The following NSD3 variants were observed in gnomAD, a reference collection of about 807,000 sequenced individuals.
NSD3 encodes nuclear receptor binding SET domain protein 3.
NSD3 carries 24 observed loss-of-function variants against 160.8 expected under a neutral mutation model. The ratio of observed to expected loss-of-function variants is 0.15; its 90% CI spans 0.11 to 0.21. The LOEUF (loss-of-function observed/expected upper bound fraction) is 0.21, where lower values mean the gene tolerates loss of function less well. Ranked by LOEUF, NSD3 falls within the 10% of genes least tolerant of loss-of-function variation. NSD3 has a pLI of 1.00. For synonymous variants in NSD3, 520 were observed against 600.0 expected (o/e 0.87, Z 1.95); for missense variants, 1,157 against 1,735.9 (o/e 0.67, Z 5.93).
At chr8:38,358,072 G>A (rs553915249) in intron 1 of NSD3, among the ~76,000 whole-genome samples, 1 of 152,076 alleles carries the variant, frequency 6.6e-6, no homozygotes, top group African/African-American at 2.4e-5. Context: ...ATTAAAAAAA[G>A]AAACTCATAT....
At chr8:38,299,678 G>A in intron 14 of NSD3, 88 bp from the exon 15 acceptor site, 1 of 1,305,476 alleles carries the variant, frequency 7.7e-7, no homozygotes, top group Non-Finnish European at 9.9e-7. Flanking sequence ...TATTATGTAT[G>A]CTTCAAAGCT....
At chr8:38,313,648 C>T (rs974540036) in intron 12 of NSD3, among the ~76,000 whole-genome samples, 3 of 151,870 alleles carry the variant, frequency 2.0e-5, no homozygotes, top group Non-Finnish European at 2.9e-5. Flanking sequence ...ATTAGCCAGG[C>T]GTGGTGGCAG....
Position 38,319,040 on chromosome 8 carries a change from TG to T in NSD3, c.1810-101del. ...TTTCATCAATCTAAGCAATGATGAG[TG>T]ATTAATGTATCTGAAATCTGAACTC... On this transcript the variant is annotated intron_variant, in intron 8 of 23. Coordinates refer to ENST00000317025, the MANE Select transcript of NSD3 (RefSeq NM_023034.2). This position sits in a 1 kb window ranked among gnomAD's most constrained non-coding sequence, Gnocchi z 4.1. 9.7e-7 allele frequency: 1 copy of T among 1,026,686 alleles called. No individual in the cohort carries two copies. The highest frequency in any genetic ancestry group is 1.5e-6 in the Non-Finnish European group (1 of 686,390). The allele number at this position is 1,026,686 out of a possible 1,614,324, so 63.6% of individuals were successfully genotyped here.
chr8:38,323,190 G>T (rs1414894577), intron 7 of NSD3, among the ~76,000 whole-genome samples: 1 of 152,108 alleles, frequency 6.6e-6, no homozygotes, highest in East Asian at 1.9e-4. Context: ...GAGTAGCTGG[G>T]ATTACAGGCG....
intron 12 of NSD3, among the ~76,000 whole-genome samples, chr8:38,310,842 A>G (rs1809516945): frequency 6.6e-6 from 1 of 152,058 alleles, no homozygotes; most frequent in South Asian, 2.1e-4. Context: ...GTATATACCC[A>G]GAGTGAAATT....
chr8:38,367,206 TCTACCC>T (rs1188683430), intron 1 of NSD3, among the ~76,000 whole-genome samples: 3 of 152,136 alleles, frequency 2.0e-5, no homozygotes, highest in African/African-American at 7.2e-5. Context: ...TAGTTCTGCT[TCTACCC>T]CTAACTTAGC....
chr8:38,341,967 CT>C (rs1343535548), intron 2 of NSD3, among the ~76,000 whole-genome samples: 1 of 152,044 alleles, frequency 6.6e-6, no homozygotes, highest in African/African-American at 2.4e-5. Context: ...AAAAAAAGGA[CT>C]TCCTTCCAAA....
chr8:38,326,954 C>T (rs1809927334), intron 6 of NSD3, 98 bp from the exon 7 acceptor site: 1 of 1,368,294 alleles, frequency 7.3e-7, no homozygotes, highest in Non-Finnish European at 9.7e-7. Flanking sequence ...TCATAATTTG[C>T]TTAAATTTTA....
chr8:38,369,699 G>A (rs1811193107), intron 1 of NSD3, among the ~76,000 whole-genome samples: 1 of 152,202 alleles, frequency 6.6e-6, no homozygotes, highest in Non-Finnish European at 1.5e-5. Flanking sequence ...TAAGAACACT[G>A]ATCTTCAGTG....
At chr8:38,364,153 T>C (rs1211257484) in intron 1 of NSD3, among the ~76,000 whole-genome samples, 2 of 152,080 alleles carry the variant, frequency 1.3e-5, no homozygotes, top group African/African-American at 4.8e-5. Flanking sequence ...GATGCGCGTC[T>C]GTAGTCCCAG....
chr8:38,373,222 C>T (rs1489283502), intron 1 of NSD3, among the ~76,000 whole-genome samples: 1 of 151,768 alleles, frequency 6.6e-6, no homozygotes, highest in African/African-American at 2.4e-5. Flanking sequence ...ACCCGATGTT[C>T]ACTTCTTTTT....
At position 38,329,980 on chromosome 8, in the gene NSD3, C is replaced by T. The variant is rs1810014626; in HGVS notation, c.1066-87G>A. On this transcript the variant is annotated intron_variant, in intron 5 of 23. Coordinates refer to ENST00000317025, the MANE Select transcript of NSD3 (RefSeq NM_023034.2). The surrounding 1 kb of genome is among the most constrained non-coding windows in gnomAD (Gnocchi z 4.8). ...TGTATTTCCCATGTGATCCTGTTAT[C>T]TTTTCAGGTCTACATAAATATCTTC... The T allele has an allele frequency of 1.4e-6, 2 of 1,430,018 alleles. No homozygotes were observed. The highest frequency in any genetic ancestry group is 1.9e-6 in the Non-Finnish European group (2 of 1,072,752). The allele number at this position is 1,430,018 out of a possible 1,614,324, so 88.6% of individuals were successfully genotyped here.
chr8:38,321,239 G>GAT lies in NSD3; in HGVS notation c.1709-69_1709-68dup. On this transcript the variant is annotated intron_variant, in intron 7 of 23. Coordinates refer to ENST00000317025, the MANE Select transcript of NSD3 (RefSeq NM_023034.2). This position sits in a 1 kb window ranked among gnomAD's most constrained non-coding sequence, Gnocchi z 4.7. Reference sequence around the variant, plus strand: ...GATACCTTGACATCTATGTAATTAAGATATGACCACATTCCTTGCTTTTCT... The same window carrying GAT: ...GATACCTTGACATCTATGTAATTAAGATATATGACCACATTCCTTGCTTTTCT... 7.7e-7 allele frequency: 1 copy of GAT among 1,294,310 alleles called. No homozygotes were observed. The highest frequency in any genetic ancestry group is 2.4e-5 in the East Asian group (1 of 41,420). The allele number at this position is 1,294,310 out of a possible 1,614,324, so 80.2% of individuals were successfully genotyped here. A position where few individuals can be genotyped will look rare whatever the true frequency, so the allele number is the denominator to read the frequency against.
intron 22 of NSD3, 118 bp from the exon 23 acceptor site, chr8:38,276,618 A>C: frequency 9.4e-7 from 1 of 1,068,888 alleles, no homozygotes; most frequent in African/African-American, 1.6e-5. Flanking sequence ...ATTACCTAAA[A>C]ACATCAGGAG....
At position 38,348,199 on chromosome 8, in the gene NSD3, C is replaced by A. The variant is rs1465826742; in HGVS notation, c.-28G>T. On this transcript the variant is annotated 5_prime_UTR_variant, in exon 2 of 24. Transcript: ENST00000317025. ...TTCTGCTCCAGCATCCTTAACTTTC[C>A]CTTTCTCTCATCGGGCCTAAAATTA... 1 of 1,531,516 alleles carries A rather than the reference C, an allele frequency of 6.5e-7. No individual in the cohort carries two copies. The allele number at this position is 1,531,516 out of a possible 1,614,324, so 94.9% of individuals were successfully genotyped here.
At chr8:38,360,713 C>G (rs1810939418) in intron 1 of NSD3, among the ~76,000 whole-genome samples, 1 of 152,116 alleles carries the variant, frequency 6.6e-6, no homozygotes, top group South Asian at 2.1e-4. Flanking sequence ...GAACTCTAAG[C>G]TGCTGACTAA....
intron 7 of NSD3, among the ~76,000 whole-genome samples, chr8:38,325,790 G>A (rs963638263): frequency 4.6e-5 from 7 of 151,894 alleles, no homozygotes; most frequent in South Asian, 4.2e-4. Context: ...CTGGGAGGTC[G>A]AGGCTGCAGT....
chr8:38,381,036 T>C (rs975814568), intron 1 of NSD3, among the ~76,000 whole-genome samples: 1 of 152,074 alleles, frequency 6.6e-6, no homozygotes, highest in Admixed American at 6.5e-5. Context: ...CACCAGCTTC[T>C]CTATTCTCTA....
At chr8:38,326,957 A>T in intron 6 of NSD3, 101 bp from the exon 7 acceptor site, 1 of 1,306,416 alleles carries the variant, frequency 7.7e-7, no homozygotes, top group Non-Finnish European at 1.0e-6. Context: ...TAATTTGCTT[A>T]AATTTTATAT....
Sources: gnomAD v4.1 joint callset for allele counts (sites outside exome capture counted in the v4.1 genomes callset) on GRCh38, gnomAD v4.1.1 for gene constraint, Gnocchi (gnomAD v3.1) non-coding constraint, MANE v1.5 for transcripts, NCBI Gene and HGNC (gene_info 2026-07-23, HGNC 2026-07-21) for gene names.